The following ENTPD1 variants were observed in gnomAD, a reference collection of about 807,000 sequenced individuals.
ENTPD1 encodes ectonucleoside triphosphate diphosphohydrolase 1.
In ENTPD1, 33 loss-of-function variants were observed where a neutral mutation model predicts 57.0. That is an observed-to-expected ratio of 0.58 (90% CI 0.44 to 0.77). ENTPD1 has a LOEUF of 0.77. Among genes scored for constraint, ENTPD1 ranks in the 30% least tolerant of loss-of-function variants. ENTPD1 has a pLI of 0.00. For synonymous variants in ENTPD1, 202 were observed against 218.8 expected, an observed-to-expected ratio of 0.92 and a Z score of 0.68; for missense variants, 501 against 603.4, an observed-to-expected ratio of 0.83 and a Z score of 1.78.
intron 1 of ENTPD1, among the ~76,000 whole-genome samples, chr10:95,719,429 C>T (rs747898478): frequency 5.9e-5 from 9 of 152,136 alleles, no homozygotes; most frequent in Non-Finnish European, 1.0e-4. Flanking sequence ...GCTATTTTGC[C>T]GTACCTGGGA....
chr10:95,785,457 G>A (rs1589819762), intron 1 of ENTPD1, among the ~76,000 whole-genome samples: 1 of 152,300 alleles, frequency 6.6e-6, no homozygotes, highest in East Asian at 1.9e-4. Context: ...CCAGCCTATA[G>A]TTGACTTTGG....
chr10:95,845,294 TAG>T, intron 5 of ENTPD1, 61 bp from the exon 6 acceptor site: 1 of 1,611,512 alleles, frequency 6.2e-7, no homozygotes, highest in Admixed American at 1.7e-5. Flanking sequence ...CTGACTCCAA[TAG>T]ATACTATGAA....
At chr10:95,696,883 A>T in the ENTPD1 span, among the ~76,000 whole-genome samples, 1 of 152,236 alleles carries the variant, frequency 6.6e-6, no homozygotes. Context: ...ATGGCAGACA[A>T]CAAGTTCTGT....
chr10:95,760,500 A>G (rs1589704576), intron 1 of ENTPD1, among the ~76,000 whole-genome samples: 1 of 152,246 alleles, frequency 6.6e-6, no homozygotes, highest in Admixed American at 6.5e-5. Flanking sequence ...GTGTAATCAA[A>G]TAAGCCTTTA....
chr10:95,775,540 G>T (rs2098130688), intron 1 of ENTPD1, among the ~76,000 whole-genome samples: 1 of 152,160 alleles, frequency 6.6e-6, no homozygotes, highest in Non-Finnish European at 1.5e-5. Flanking sequence ...TTAGCATGAA[G>T]GGCTGTTGAA....
At position 95,791,058 on chromosome 10, in the gene ENTPD1, A is replaced by G. The variant is rs1052497262; in HGVS notation, c.17-32179A>G. Among the ~76,000 whole-genome samples, 2 of 152,220 alleles carry G rather than the reference A, an allele frequency of 1.3e-5. No homozygotes were observed. Among genetic ancestry groups the G allele is most frequent in the Non-Finnish European group, 2.9e-5 (2 of 68,026 alleles). ...CAGGCTGGAAAAATGAGCTGAAACC[A>G]TAGGTTGACATTTAATTGATACACA... On this transcript the variant is annotated intron_variant, in intron 1 of 9. Coordinates refer to ENST00000371205, the MANE Select transcript of ENTPD1 (RefSeq NM_001776.6). This position sits in a 1 kb window ranked among gnomAD's most constrained non-coding sequence, Gnocchi z 4.1.
At chr10:95,697,172 G>A in the ENTPD1 span, among the ~76,000 whole-genome samples, 7 of 152,192 alleles carry the variant, frequency 4.6e-5, no homozygotes, top group Non-Finnish European at 2.9e-5. Flanking sequence ...GTTATCAATA[G>A]TGGCCCTTAG....
At chr10:95,826,686 G>A (rs762506784) in intron 2 of ENTPD1, among the ~76,000 whole-genome samples, 14 of 152,096 alleles carry the variant, frequency 9.2e-5, no homozygotes, top group African/African-American at 2.9e-4. Flanking sequence ...AGTGGGCCAC[G>A]TGTTATATAA....
chr10:95,726,825 T>C (rs2097984151), intron 1 of ENTPD1, among the ~76,000 whole-genome samples: 1 of 152,196 alleles, frequency 6.6e-6, no homozygotes, highest in African/African-American at 2.4e-5. Context: ...CCCAGTATCA[T>C]CTCTGCACAC....
chr10:95,812,232 C>T (rs928740549), intron 1 of ENTPD1, among the ~76,000 whole-genome samples: 2 of 152,196 alleles, frequency 1.3e-5, no homozygotes, highest in Non-Finnish European at 2.9e-5. Context: ...CTTTGTGGCC[C>T]TTTGTAGTCA....
intron 1 of ENTPD1, among the ~76,000 whole-genome samples, chr10:95,814,768 C>T (rs1241188909): frequency 1.3e-5 from 2 of 152,148 alleles, no homozygotes; most frequent in African/African-American, 4.8e-5. Context: ...CAGTAACTTC[C>T]TCTGACGTCT....
chr10:95,714,276 A>G (rs1360181537), intron 1 of ENTPD1, among the ~76,000 whole-genome samples: 1 of 152,194 alleles, frequency 6.6e-6, no homozygotes, highest in African/African-American at 2.4e-5. Context: ...TTGCACCACT[A>G]CTACTGCAGC....
chr10:95,870,002 A>G lies in ENTPD1; in HGVS notation c.*3619A>G, dbSNP rs2098478677. 1.0e-6 allele frequency: 1 copy of G among 985,468 alleles called. No individual in the cohort carries two copies. Among genetic ancestry groups the G allele is most frequent in the African/African-American group, 1.7e-5 (1 of 57,378 alleles). The allele number at this position is 985,468 out of a possible 1,614,324, so 61.0% of individuals were successfully genotyped here. On this transcript the variant is annotated 3_prime_UTR_variant, in exon 10 of 10. Coordinates refer to ENST00000371205, the MANE Select transcript of ENTPD1 (RefSeq NM_001776.6). ...TAAAGTTTAAAAGACACAGGAACTAAGCCCTCATTGTCTTTCCCTTGGGAG... is the reference window on the plus strand; with the variant it reads ...TAAAGTTTAAAAGACACAGGAACTAGGCCCTCATTGTCTTTCCCTTGGGAG...
Position 95,866,202 on chromosome 10 carries a change from C to A in ENTPD1, c.1352C>A (p.Thr451Asn), listed in dbSNP as rs199564576. The A allele has an allele frequency of 5.6e-6, 9 of 1,614,104 alleles. No individual in the cohort carries two copies. In the Admixed American group the frequency reaches 1.5e-4, roughly 27 times the overall value. ...GKIQGSDAGWTLGYMLNLTNM... is the reference protein window; with the variant it reads ...GKIQGSDAGWNLGYMLNLTNM... Reference sequence around the variant, plus strand: ...ATCCAGGGCAGCGACGCCGGCTGGACTTTGGGCTACATGCTGAACCTGACC... The same window carrying A: ...ATCCAGGGCAGCGACGCCGGCTGGAATTTGGGCTACATGCTGAACCTGACC... Residue 451 changes from threonine (T) to asparagine (N), a missense_variant, in exon 10 of 10, where the codon ACT (threonine) becomes AAT (asparagine). Thr to Asn is a moderately conservative substitution (Grantham distance 65). Transcript: ENST00000371205.
At chr10:95,827,797 T>A (rs1026141435) in intron 2 of ENTPD1, among the ~76,000 whole-genome samples, 5 of 152,238 alleles carry the variant, frequency 3.3e-5, no homozygotes, top group Admixed American at 2.0e-4. Context: ...AAAAAAATTG[T>A]TAATGAGATA....
In ENTPD1 at chr10:95,719,538, A is replaced by T. The variant is rs552536960; in HGVS notation, c.37+7545A>T. Among the ~76,000 whole-genome samples the T allele has an allele frequency of 9.2e-5, 14 of 152,326 alleles. No individual in the cohort carries two copies. The South Asian group carries it at 2.9e-3, about 32-fold the overall frequency. On this transcript the variant is annotated intron_variant, in intron 1 of 9. Transcript: ENST00000453258. ...CCAGTATAGGCTGGATACGTTCCTTACTGAAGGCCCTGGTGCCTTTGGATA... is the reference window on the plus strand; with the variant it reads ...CCAGTATAGGCTGGATACGTTCCTTTCTGAAGGCCCTGGTGCCTTTGGATA...
At chr10:95,715,481 T>G (rs569158120) in intron 1 of ENTPD1, among the ~76,000 whole-genome samples, 32 of 152,252 alleles carry the variant, frequency 2.1e-4, no homozygotes, top group African/African-American at 7.5e-4. Context: ...AGATCTTGTT[T>G]TTTTTTTTAA....
chr10:95,732,357 C>T (rs2097990182), intron 1 of ENTPD1, among the ~76,000 whole-genome samples: 1 of 152,186 alleles, frequency 6.6e-6, no homozygotes, highest in African/African-American at 2.4e-5. Flanking sequence ...GACACACTAA[C>T]CATGTACGTC....
At chr10:95,781,682 G>T (rs983562049) in intron 1 of ENTPD1, among the ~76,000 whole-genome samples, 8 of 152,186 alleles carry the variant, frequency 5.3e-5, no homozygotes, top group Admixed American at 4.6e-4. Flanking sequence ...CTTAAGGGTG[G>T]AAACGAAAAG....
Sources: allele counts gnomAD v4.1 joint callset (sites outside exome capture counted in the v4.1 genomes callset), GRCh38; gene constraint gnomAD v4.1.1; non-coding constraint Gnocchi (gnomAD v3.1); transcripts MANE v1.5; gene names NCBI Gene and HGNC (gene_info 2026-07-23, HGNC 2026-07-21).